The following CNTN4 variants were observed in gnomAD, a reference collection of about 807,000 sequenced individuals.
CNTN4 encodes the protein contactin-4.
In CNTN4, 77 loss-of-function variants were observed where a neutral mutation model predicts 122.5. The ratio of observed to expected loss-of-function variants is 0.63; its 90% CI spans 0.52 to 0.76. The LOEUF is 0.76. CNTN4 is among the 30% of genes least tolerant of loss of function. The pLI is 0.00. For missense variants in CNTN4, 1,256 were observed against 1,259.1 expected (o/e 1.00, Z 0.04); for synonymous variants, 512 against 447.0 (o/e 1.15, Z -1.83).
chr3:2,636,006 C>A (rs1411968442), intron 4 of CNTN4, among the ~76,000 whole-genome samples: 1 of 152,174 alleles, frequency 6.6e-6, no homozygotes, highest in Non-Finnish European at 1.5e-5. Flanking sequence ...CATAAGGTTA[C>A]ATTTCTTCCC....
At chr3:2,540,639 G>A (rs1369572382) in intron 3 of CNTN4, among the ~76,000 whole-genome samples, 1 of 152,046 alleles carries the variant, frequency 6.6e-6, no homozygotes, top group Non-Finnish European at 1.5e-5. Flanking sequence ...ACAATATACA[G>A]AAGTATAGAT....
At chr3:2,672,062 G>A (rs914119234) in intron 4 of CNTN4, among the ~76,000 whole-genome samples, 12 of 152,226 alleles carry the variant, frequency 7.9e-5, no homozygotes, top group Non-Finnish European at 1.0e-4. Flanking sequence ...TCAGGGGTCA[G>A]GGACCCACTT....
At chr3:2,908,500 C>T (rs577374707) in intron 12 of CNTN4, among the ~76,000 whole-genome samples, 1 of 152,198 alleles carries the variant, frequency 6.6e-6, no homozygotes, top group South Asian at 2.1e-4. Context: ...GAAGGAGGAA[C>T]CAAACAAGGA....
At chr3:2,274,398 CAAACAAACAAA>C (rs2041419986) in intron 2 of CNTN4, among the ~76,000 whole-genome samples, 1 of 151,950 alleles carries the variant, frequency 6.6e-6, no homozygotes, top group Non-Finnish European at 1.5e-5. Context: ...AACAAACAAA[CAAACAAACAAA>C]CAACCCAGGA....
chr3:2,301,992 G>C (rs1443289731), intron 2 of CNTN4, among the ~76,000 whole-genome samples: 1 of 152,242 alleles, frequency 6.6e-6, no homozygotes, highest in Non-Finnish European at 1.5e-5. Flanking sequence ...TCATACGTGT[G>C]TATGTGCATG....
At chr3:2,519,239 A>G (rs1489071553) in intron 3 of CNTN4, among the ~76,000 whole-genome samples, 1 of 152,130 alleles carries the variant, frequency 6.6e-6, no homozygotes, top group African/African-American at 2.4e-5. Flanking sequence ...GCATATTCTG[A>G]TAAGGGCTCT....
chr3:2,178,297 A>T (rs1400161338), intron 2 of CNTN4, among the ~76,000 whole-genome samples: 1 of 152,014 alleles, frequency 6.6e-6, no homozygotes, highest in African/African-American at 2.4e-5. Context: ...GCAGAGTGCT[A>T]TTCTAAGCCA....
chr3:2,261,164 TC>T (rs1420859847), intron 2 of CNTN4, among the ~76,000 whole-genome samples: 2 of 152,222 alleles, frequency 1.3e-5, no homozygotes, highest in African/African-American at 4.8e-5. Flanking sequence ...AATTTTTTTT[TC>T]CCACGTAGTT....
intron 2 of CNTN4, among the ~76,000 whole-genome samples, chr3:2,321,321 A>G (rs1200575965): frequency 1.3e-5 from 2 of 152,148 alleles, no homozygotes; most frequent in Non-Finnish European, 2.9e-5. Context: ...TTTATTAGCC[A>G]TGTACCCCCA....
At chr3:2,690,233 T>G (rs1321972765) in intron 4 of CNTN4, among the ~76,000 whole-genome samples, 1 of 152,198 alleles carries the variant, frequency 6.6e-6, no homozygotes, top group Non-Finnish European at 1.5e-5. Context: ...TTATATTCTC[T>G]GGGACAGGTA....
rs75982698 is a variant in CNTN4 at position 3,044,527 on chromosome 3, T to G, written c.2811+823T>G. Among the ~76,000 whole-genome samples the G allele has an allele frequency of 4.1e-3, 629 of 152,288 alleles. 4 individuals are homozygous for G. The highest frequency in any genetic ancestry group is 0.013 in the African/African-American group (547 of 41,560). ...ACGGATAACCTGGGCTTCCTCACAG[T>G]ATGGTGACCTCAGAGTAGTCGGATT... On this transcript the variant is annotated intron_variant, in intron 23 of 24. Coordinates refer to ENST00000418658, the MANE Select transcript of CNTN4 (RefSeq NM_175607.3).
At chr3:2,221,630 A>G (rs747660447) in intron 2 of CNTN4, among the ~76,000 whole-genome samples, 3 of 152,070 alleles carry the variant, frequency 2.0e-5, no homozygotes, top group Non-Finnish European at 4.4e-5. Flanking sequence ...TGGAGAAAAT[A>G]CTTTTACATA....
At chr3:2,810,416 T>C (rs961546861) in intron 6 of CNTN4, among the ~76,000 whole-genome samples, 4 of 152,176 alleles carry the variant, frequency 2.6e-5, no homozygotes, top group African/African-American at 9.7e-5. Context: ...CTAGGTTTTG[T>C]TCCTGGAAAC....
At chr3:2,950,366 G>T (rs777953471) in intron 13 of CNTN4, among the ~76,000 whole-genome samples, 1 of 152,196 alleles carries the variant, frequency 6.6e-6, no homozygotes, top group Non-Finnish European at 1.5e-5. Context: ...CTTGCTGAAG[G>T]AGATTTGGAC....
chr3:2,541,045 A>T (rs1437958605), intron 3 of CNTN4, among the ~76,000 whole-genome samples: 1 of 152,142 alleles, frequency 6.6e-6, no homozygotes, highest in East Asian at 1.9e-4. Context: ...TGGAACTTAT[A>T]CCCAAGTCCT....
chr3:2,125,556 C>A (rs904755332), intron 2 of CNTN4, among the ~76,000 whole-genome samples: 2 of 133,334 alleles, frequency 1.5e-5, no homozygotes. Context: ...TTTTCTTTTT[C>A]TTTTTCTTTT....
At chr3:2,258,751 T>G (rs2040701575) in intron 2 of CNTN4, among the ~76,000 whole-genome samples, 1 of 152,118 alleles carries the variant, frequency 6.6e-6, no homozygotes, top group Admixed American at 6.6e-5. Flanking sequence ...TGGCATCTCA[T>G]GTCTTAGTCT....
intron 2 of CNTN4, among the ~76,000 whole-genome samples, chr3:2,331,959 C>G (rs9844510): frequency 0.36 from 54,884 of 151,984 alleles, 10,599 homozygotes; most frequent in East Asian, 0.8. Context: ...CCTGTCCAGC[C>G]CAACACCACT....
At chr3:2,558,170 C>G (rs2078800006) in intron 3 of CNTN4, among the ~76,000 whole-genome samples, 1 of 152,144 alleles carries the variant, frequency 6.6e-6, no homozygotes, top group Non-Finnish European at 1.5e-5. Context: ...TTTCCATACG[C>G]CCATCACTCT....
Sources: allele counts gnomAD v4.1 joint callset (sites outside exome capture counted in the v4.1 genomes callset), GRCh38; gene constraint gnomAD v4.1.1; transcripts MANE v1.5; gene names NCBI Gene and HGNC (gene_info 2026-07-23, HGNC 2026-07-21).